The following LRRTM4 variants were observed in gnomAD, a reference collection of about 807,000 sequenced individuals.
LRRTM4 encodes the protein leucine-rich repeat transmembrane neuronal protein 4.
LRRTM4 carries 25 observed loss-of-function variants against 47.6 expected under a neutral mutation model. The ratio of observed to expected loss-of-function variants is 0.53; its 90% CI spans 0.38 to 0.73. The LOEUF is 0.73. Among genes scored for constraint, LRRTM4 ranks in the 30% least tolerant of loss-of-function variants. The pLI is 0.00. For missense variants in LRRTM4, 638 were observed against 713.4 expected (o/e 0.89, Z 1.20); for synonymous variants, 311 against 269.5 (o/e 1.15, Z -1.51).
In LRRTM4 at chr2:77,171,188, G is replaced by A. The variant is rs559488975; in HGVS notation, c.1551+347130C>T. 1.6e-3 allele frequency among the ~76,000 whole-genome samples: 237 copies of A among 152,154 alleles called. 1 individual carries two copies. The highest frequency in any genetic ancestry group is 1.0e-3 in the Non-Finnish European group (71 of 67,992). On this transcript the variant is annotated intron_variant, in intron 3 of 3. Coordinates refer to ENST00000409884, the MANE Select transcript of LRRTM4 (RefSeq NM_001134745.3). Reference sequence around the variant, plus strand: ...TGCTTGGTTTCCCTTGGAAAGCAACGAGATTTAGCATGCTAGTTTACTTCT... The same window carrying A: ...TGCTTGGTTTCCCTTGGAAAGCAACAAGATTTAGCATGCTAGTTTACTTCT...
chr2:77,242,161 C>T (rs540485728), intron 3 of LRRTM4, among the ~76,000 whole-genome samples: 1 of 152,196 alleles, frequency 6.6e-6, no homozygotes, highest in Middle Eastern at 3.4e-3. Flanking sequence ...ATGAATCTTT[C>T]TATTTCTGTA....
chr2:77,446,302 C>G (rs551834548), intron 3 of LRRTM4, among the ~76,000 whole-genome samples: 1 of 151,932 alleles, frequency 6.6e-6, no homozygotes, highest in Non-Finnish European at 1.5e-5. Context: ...CATCTCTAGT[C>G]TCTTCCCACT....
At chr2:77,426,280 C>G (rs188590863) in intron 3 of LRRTM4, among the ~76,000 whole-genome samples, 1 of 152,134 alleles carries the variant, frequency 6.6e-6, no homozygotes, top group African/African-American at 2.4e-5. Context: ...TGTGATTTAA[C>G]CTTTTCCCTT....
At chr2:77,334,249 CT>C (rs1437498122) in intron 3 of LRRTM4, among the ~76,000 whole-genome samples, 2 of 152,090 alleles carry the variant, frequency 1.3e-5, no homozygotes, top group African/African-American at 4.8e-5. Flanking sequence ...TGAGTTAAGA[CT>C]TTGGAGGACT....
At position 77,360,467 on chromosome 2, in the gene LRRTM4, AATACGATATG is replaced by A. The variant is rs1299388109; in HGVS notation, c.1551+157841_1551+157850del. ...AGCGAGACTCCATCTCAAAAAATAC[AATACGATATG>A]ATACGATACGATACGATACGATACG... On this transcript the variant is annotated intron_variant, in intron 3 of 3. Transcript: ENST00000409884. Among the ~76,000 whole-genome samples the A allele has an allele frequency of 4.3e-3, 601 of 140,066 alleles. 2 individuals carry two copies. Among genetic ancestry groups the A allele is most frequent in the African/African-American group, 0.014 (550 of 37,934 alleles). The allele number at this position is 140,066 out of a possible 152,430, so 91.9% of individuals were successfully genotyped here.
chr2:76,894,905 A>G (rs899965697), intron 3 of LRRTM4, among the ~76,000 whole-genome samples: 22 of 151,636 alleles, frequency 1.5e-4, no homozygotes, highest in African/African-American at 4.8e-4. Flanking sequence ...GCACATAGCT[A>G]TACTAGATAC....
chr2:77,449,791 T>A (rs1676187405), intron 3 of LRRTM4, among the ~76,000 whole-genome samples: 1 of 152,212 alleles, frequency 6.6e-6, no homozygotes, highest in Non-Finnish European at 1.5e-5. Context: ...CTTCAATGGA[T>A]CAATTTATGC....
Position 77,518,318 on chromosome 2 carries a change from C to T in LRRTM4, c.1551G>A (p.Glu517=). ...TYTISGSREC[E]MPHHMKPLPY... Reference sequence around the variant, plus strand: ...CTTTTAGGAGGATCATGGTTCATACCTCACATTCCCTGGAGCCAGAGATGG... The same window carrying T: ...CTTTTAGGAGGATCATGGTTCATACTTCACATTCCCTGGAGCCAGAGATGG... The change falls in exon 3 of 4, where the codon GAG becomes GAA. Residue 517 remains glutamate (E), a splice_region_variant and synonymous_variant. Transcript: ENST00000409884. 14 of 1,600,868 alleles carry T rather than the reference C, an allele frequency of 8.7e-6. No individual in the cohort carries two copies. Among genetic ancestry groups the T allele is most frequent in the Non-Finnish European group, 1.2e-5 (14 of 1,173,730 alleles).
chr2:77,358,135 G>C (rs1014429307), intron 3 of LRRTM4, among the ~76,000 whole-genome samples: 1 of 152,016 alleles, frequency 6.6e-6, no homozygotes, highest in Non-Finnish European at 1.5e-5. Flanking sequence ...ATAAATTTCT[G>C]TCTTAGTTTT....
At chr2:77,029,836 AC>A (rs1398816519) in intron 3 of LRRTM4, among the ~76,000 whole-genome samples, 21 of 152,196 alleles carry the variant, frequency 1.4e-4, no homozygotes, top group Admixed American at 1.4e-3. Flanking sequence ...TCAGAAAAGG[AC>A]ATCAATGACA....
intron 3 of LRRTM4, among the ~76,000 whole-genome samples, chr2:77,090,618 T>G (rs1048707258): frequency 1.3e-5 from 2 of 152,118 alleles, no homozygotes; most frequent in African/African-American, 4.8e-5. Context: ...TGGCCAGACC[T>G]TCCTCCAGAA....
chr2:77,014,485 G>A (rs1263028908), intron 3 of LRRTM4, among the ~76,000 whole-genome samples: 2 of 137,486 alleles, frequency 1.5e-5, no homozygotes, highest in South Asian at 2.5e-4. Context: ...CATTGCAGAA[G>A]AAGCATTTGT....
At chr2:76,792,036 T>C (rs1675002619) in intron 3 of LRRTM4, among the ~76,000 whole-genome samples, 2 of 152,158 alleles carry the variant, frequency 1.3e-5, no homozygotes, top group Admixed American at 1.3e-4. Flanking sequence ...AGAAAGAAAG[T>C]CAGCTCTTAT....
chr2:77,251,701 A>G (rs886076074), intron 3 of LRRTM4, among the ~76,000 whole-genome samples: 4 of 152,176 alleles, frequency 2.6e-5, no homozygotes, highest in African/African-American at 9.7e-5. Context: ...AACAGTAGAG[A>G]CTATATTTGA....
chr2:77,081,903 T>G (rs776587526), intron 3 of LRRTM4, among the ~76,000 whole-genome samples: 3 of 152,122 alleles, frequency 2.0e-5, no homozygotes, highest in Non-Finnish European at 2.9e-5. Flanking sequence ...CAAGACACAT[T>G]TCATCGGCTT....
At chr2:76,891,244 A>T (rs866065371) in intron 3 of LRRTM4, among the ~76,000 whole-genome samples, 15 of 148,060 alleles carry the variant, frequency 1.0e-4, no homozygotes, top group Middle Eastern at 3.4e-3. Context: ...GTTAATTATA[A>T]TAAGAGGAGA....
chr2:77,282,078 G>A (rs1325468510), intron 3 of LRRTM4, among the ~76,000 whole-genome samples: 1 of 151,822 alleles, frequency 6.6e-6, no homozygotes, highest in African/African-American at 2.4e-5. Flanking sequence ...AGCATGTAAT[G>A]CTTTTCAAAT....
intron 3 of LRRTM4, among the ~76,000 whole-genome samples, chr2:77,138,646 G>A (rs1321068695): frequency 6.6e-6 from 1 of 152,036 alleles, no homozygotes; most frequent in Non-Finnish European, 1.5e-5. Flanking sequence ...AGGAGATAGA[G>A]ATATAAAAAA....
Position 77,434,917 on chromosome 2 carries a change from T to C in LRRTM4, c.1551+83401A>G, listed in dbSNP as rs187754397. On this transcript the variant is annotated intron_variant, in intron 3 of 3. Coordinates refer to ENST00000409884, the MANE Select transcript of LRRTM4 (RefSeq NM_001134745.3). Reference sequence around the variant, plus strand: ...AGTGAATATGTAAACTGTAGCTATATTGAAGGTTGTGTTTCCACCTCCTAC... The same window carrying C: ...AGTGAATATGTAAACTGTAGCTATACTGAAGGTTGTGTTTCCACCTCCTAC... Among the ~76,000 whole-genome samples, 40 of 152,224 alleles carry C rather than the reference T, an allele frequency of 2.6e-4. No homozygotes were observed. In the South Asian group the frequency reaches 4.6e-3, roughly 17 times the overall value.
Sources: gnomAD v4.1 joint callset for allele counts (sites outside exome capture counted in the v4.1 genomes callset) on GRCh38, gnomAD v4.1.1 for gene constraint, MANE v1.5 for transcripts, NCBI Gene and HGNC (gene_info 2026-07-23, HGNC 2026-07-21) for gene names.